Variants in TRIO observed in about 807,000 individuals in gnomAD.
TRIO encodes trio Rho guanine nucleotide exchange factor, also known as triple functional domain protein.
A neutral mutation model predicts 351.9 loss-of-function variants in TRIO; 58 were observed. The ratio of observed to expected loss-of-function variants is 0.16; its 90% confidence interval spans 0.13 to 0.21. The LOEUF (loss-of-function observed/expected upper bound fraction) is 0.21. Among genes scored for constraint, TRIO ranks in the 10% least tolerant of loss-of-function variants. TRIO has a pLI of 1.00. For missense variants in TRIO, 3,201 were observed against 4,027.8 expected, an observed-to-expected ratio of 0.79 and a Z score of 5.56; for synonymous variants, 1,758 against 1,595.7, an observed-to-expected ratio of 1.10 and a Z score of -2.42.
At chr5:14,177,900 G>A (rs1219727233) in intron 1 of TRIO, among the ~76,000 whole-genome samples, 1 of 152,202 alleles carries the variant, frequency 6.6e-6, no homozygotes, top group African/African-American at 2.4e-5. Context: ...TCACCATACC[G>A]TGGCTTGGCT....
intron 10 of TRIO, among the ~76,000 whole-genome samples, chr5:14,332,319 C>T (rs986330852): frequency 6.6e-6 from 1 of 152,196 alleles, no homozygotes; most frequent in African/African-American, 2.4e-5. Flanking sequence ...TTTAGGAAAG[C>T]AGGAGACCTT....
chr5:14,311,374 AATC>A (rs1338009410), intron 8 of TRIO, among the ~76,000 whole-genome samples: 8 of 152,210 alleles, frequency 5.3e-5, no homozygotes, highest in African/African-American at 1.2e-4. Context: ...AAGAAATAGA[AATC>A]ATCATTTGGA....
intron 4 of TRIO, among the ~76,000 whole-genome samples, chr5:14,289,929 A>G (rs1272469024): frequency 1.3e-5 from 2 of 152,232 alleles, no homozygotes; most frequent in East Asian, 1.9e-4. Flanking sequence ...TTAAATTGCA[A>G]TGTAGTACAG....
intron 2 of TRIO, among the ~76,000 whole-genome samples, chr5:14,271,883 T>C (rs1795995851): frequency 6.6e-6 from 1 of 152,210 alleles, no homozygotes; most frequent in African/African-American, 2.4e-5. Context: ...CCTATGGTGT[T>C]TTTGCTAATC....
At chr5:14,225,801 C>CCA (rs1554036849) in intron 1 of TRIO, among the ~76,000 whole-genome samples, 1 of 137,932 alleles carries the variant, frequency 7.2e-6, no homozygotes, top group East Asian at 2.0e-4. Flanking sequence ...CACCCCCCCC[C>CCA]CCACCTCCAA....
chr5:14,232,887 T>C (rs1301514331), intron 1 of TRIO, among the ~76,000 whole-genome samples: 1 of 152,218 alleles, frequency 6.6e-6, no homozygotes, highest in Non-Finnish European at 1.5e-5. Context: ...CCAGCTGGTA[T>C]CCAGGACCCA....
At chr5:14,458,468 C>G (rs1253040013) in intron 34 of TRIO, among the ~76,000 whole-genome samples, 1 of 152,232 alleles carries the variant, frequency 6.6e-6, no homozygotes, top group African/African-American at 2.4e-5. Context: ...CATGGTTCCT[C>G]CTCCTGTTGC....
At chr5:14,280,582 A>G in intron 3 of TRIO, 146 bp downstream of exon 3, 2 of 716,084 alleles carry the variant, frequency 2.8e-6, no homozygotes, top group Non-Finnish European at 2.3e-6. Flanking sequence ...CCTTATTACC[A>G]TTTTGTGACC....
At chr5:14,296,483 A>G (rs1370501887) in intron 6 of TRIO, among the ~76,000 whole-genome samples, 1 of 152,216 alleles carries the variant, frequency 6.6e-6, no homozygotes, top group African/African-American at 2.4e-5. Flanking sequence ...GAAAAGCTTT[A>G]TTTAAAATTT....
At chr5:14,160,361 A>G (rs1788377741) in intron 1 of TRIO, among the ~76,000 whole-genome samples, 1 of 152,174 alleles carries the variant, frequency 6.6e-6, no homozygotes, top group Non-Finnish European at 1.5e-5. Context: ...CCTAGCTCAG[A>G]ATTATTTAGT....
rs1736421536 is a variant in TRIO, at chr5:14,286,088, C to T, written c.348-783C>T. Among the ~76,000 whole-genome samples, 2 of 151,876 alleles carry T rather than the reference C, an allele frequency of 1.3e-5. No individual in the cohort carries two copies. The highest frequency in any genetic ancestry group is 4.8e-5 in the African/African-American group (2 of 41,328). ...GAGATTTAATACAATTAGAAGCTGG[C>T]ACTTTTTTTTTTTAAGTGCAATAAT... is the stretch of plus-strand genomic sequence containing the variant. On this transcript the variant is annotated intron_variant, in intron 3 of 56. Coordinates refer to ENST00000344204, the MANE Select transcript of TRIO (RefSeq NM_007118.4). This position sits in a 1 kb window ranked among gnomAD's most constrained non-coding sequence, Gnocchi z 4.4.
chr5:14,389,270 C>G lies in TRIO; in HGVS notation c.3949-19C>G. On this transcript the variant is annotated intron_variant, in intron 24 of 56. Transcript: ENST00000344204. ...TATGGTGATTATTTTTGTCTAATCCCTGTTTCCCTCTCGGCTAGACGTACC... is the reference window on the plus strand; with the variant it reads ...TATGGTGATTATTTTTGTCTAATCCGTGTTTCCCTCTCGGCTAGACGTACC... 2 of 1,573,780 alleles carry G rather than the reference C, an allele frequency of 1.3e-6. No individual in the cohort carries two copies. The highest frequency in any genetic ancestry group is 2.3e-5 in the East Asian group (1 of 43,712).
At chr5:14,367,281 G>A (rs972679226) in intron 16 of TRIO, among the ~76,000 whole-genome samples, 1 of 152,156 alleles carries the variant, frequency 6.6e-6, no homozygotes, top group African/African-American at 2.4e-5. Flanking sequence ...CTGGCAAGAT[G>A]CACTTTCTCT....
At chr5:14,329,347 T>C (rs1276594797) in intron 9 of TRIO, among the ~76,000 whole-genome samples, 1 of 152,258 alleles carries the variant, frequency 6.6e-6, no homozygotes, top group Non-Finnish European at 1.5e-5. Context: ...AGGTGGGGCT[T>C]CCAGGAGGGA....
chr5:14,410,042 TA>T (rs764977945), intron 33 of TRIO, among the ~76,000 whole-genome samples: 2 of 152,154 alleles, frequency 1.3e-5, no homozygotes, highest in African/African-American at 2.4e-5. Flanking sequence ...CGAATTTTCT[TA>T]ATGCCACTTG....
intron 1 of TRIO, among the ~76,000 whole-genome samples, chr5:14,235,137 A>G (rs1793686930): frequency 6.6e-6 from 1 of 152,162 alleles, no homozygotes; most frequent in African/African-American, 2.4e-5. Context: ...CAAAGTAAAA[A>G]CTTGTTACCC....
At chr5:14,464,802 G>A (rs1754127825) in intron 36 of TRIO, among the ~76,000 whole-genome samples, 1 of 152,120 alleles carries the variant, frequency 6.6e-6, no homozygotes, top group Admixed American at 6.5e-5. Flanking sequence ...CTAGTTCCCA[G>A]TTAATTAACG....
intron 8 of TRIO, among the ~76,000 whole-genome samples, chr5:14,306,746 C>T (rs567536365): frequency 1.3e-5 from 2 of 152,328 alleles, no homozygotes; most frequent in South Asian, 2.1e-4. Context: ...CAGTGTCATC[C>T]TCCAGCCAAG....
chr5:14,498,411 A>G lies in TRIO; in HGVS notation c.8211-108A>G, dbSNP rs932391548. 3.9e-6 allele frequency: 6 copies of G among 1,520,708 alleles called. No individual in the cohort carries two copies. In the African/African-American group the frequency reaches 5.5e-5, roughly 14 times the overall value. 94.2% of individuals were successfully genotyped at this position (1,520,708 alleles called of 1,614,324 possible). ...TTCACGCCTGGGTGTACAGCTCCTC[A>G]TCAGCACTTGAGCTCCTGCCTTCCC... is the stretch of plus-strand genomic sequence containing the variant. On this transcript the variant is annotated intron_variant, in intron 52 of 56. Transcript: ENST00000344204.
Sources: gnomAD v4.1 joint callset for allele counts (sites outside exome capture counted in the v4.1 genomes callset) on GRCh38, gnomAD v4.1.1 for gene constraint, Gnocchi (gnomAD v3.1) non-coding constraint, MANE v1.5 for transcripts, NCBI Gene and HGNC (gene_info 2026-07-23, HGNC 2026-07-21) for gene names.